The following NT5DC1 variants were observed in gnomAD, a reference collection of about 807,000 sequenced individuals.
The protein encoded by NT5DC1 is 5'-nucleotidase domain-containing protein 1.
A neutral mutation model predicts 59.4 loss-of-function variants in NT5DC1; 42 were observed. The ratio of observed to expected loss-of-function variants is 0.71; its 90% CI spans 0.55 to 0.92. NT5DC1 has a LOEUF of 0.92. Ranked by LOEUF, NT5DC1 falls within the 40% of genes least tolerant of loss-of-function variation. NT5DC1 has a pLI of 0.00. For synonymous variants in NT5DC1, 172 were observed against 188.1 expected, an observed-to-expected ratio of 0.91 and a Z score of 0.70; for missense variants, 501 against 537.1, an observed-to-expected ratio of 0.93 and a Z score of 0.66.
intron 6 of NT5DC1, chr6:116,125,486 G>A (rs779715618): frequency 4.3e-6 from 7 of 1,613,412 alleles, no homozygotes; most frequent in Non-Finnish European, 4.2e-6. Flanking sequence ...GGTATTTGTG[G>A]CAGCATATTC....
Position 116,138,105 on chromosome 6 carries a change from A to G in NT5DC1, c.529+20160A>G, listed in dbSNP as rs183060124. ...AAAAAAGAAAAGAAAGAAAATGTCC[A>G]GCTCAATAGCTGACATTTTAAGATC... On this transcript the variant is annotated intron_variant, in intron 6 of 11. Coordinates refer to ENST00000319550, the MANE Select transcript of NT5DC1 (RefSeq NM_152729.3). 2.6e-3 allele frequency among the ~76,000 whole-genome samples: 396 copies of G among 152,294 alleles called. 10 individuals are homozygous for G. The South Asian group carries it at 0.043, about 17-fold the overall frequency.
At chr6:116,215,348 G>C (rs925781761) in intron 6 of NT5DC1, among the ~76,000 whole-genome samples, 1 of 152,060 alleles carries the variant, frequency 6.6e-6, no homozygotes, top group African/African-American at 2.4e-5. Flanking sequence ...CTATACTGTG[G>C]AGCCTAAGCT....
chr6:116,213,538 G>T (rs1781627344), intron 6 of NT5DC1, among the ~76,000 whole-genome samples: 1 of 152,106 alleles, frequency 6.6e-6, no homozygotes, highest in Non-Finnish European at 1.5e-5. Context: ...AGATATAAAA[G>T]AATGGAACAA....
At chr6:116,174,550 A>G (rs979400916) in intron 6 of NT5DC1, among the ~76,000 whole-genome samples, 19 of 152,202 alleles carry the variant, frequency 1.2e-4, no homozygotes, top group African/African-American at 4.6e-4. Context: ...AATATTTCCT[A>G]TTCGTGTTTT....
chr6:116,195,452 G>A (rs1781202976), intron 6 of NT5DC1, among the ~76,000 whole-genome samples: 1 of 151,672 alleles, frequency 6.6e-6, no homozygotes, highest in African/African-American at 2.4e-5. Flanking sequence ...AGATTAGGTT[G>A]GTCATGGCCA....
rs375166088 is a variant in NT5DC1, at chr6:116,153,132, TATAC to T, written c.529+35195_529+35198del. Among the ~76,000 whole-genome samples, 398 of 152,076 alleles carry T rather than the reference TATAC, an allele frequency of 2.6e-3. 10 individuals are homozygous for T. In the South Asian group the frequency reaches 0.043, roughly 16 times the overall value. ...AAAAATATATACACAAATATATGTA[TATAC>T]ATACATATTCACACATACTACAAAT... On this transcript the variant is annotated intron_variant, in intron 6 of 11. Transcript: ENST00000319550.
chr6:116,242,243 C>T (rs2059568450), intron 11 of NT5DC1, among the ~76,000 whole-genome samples: 1 of 150,624 alleles, frequency 6.6e-6, no homozygotes. Context: ...TGGTGGCGGG[C>T]GCCTGTGGGA....
intron 6 of NT5DC1, among the ~76,000 whole-genome samples, chr6:116,192,925 G>C (rs1356982413): frequency 1.3e-5 from 2 of 152,016 alleles, no homozygotes; most frequent in East Asian, 3.9e-4. Context: ...ACTGGTCTCT[G>C]GTTTGGCTTG....
At chr6:116,108,843 C>T (rs1778812955) in intron 3 of NT5DC1, among the ~76,000 whole-genome samples, 1 of 152,046 alleles carries the variant, frequency 6.6e-6, no homozygotes, top group Non-Finnish European at 1.5e-5. Context: ...GGTCTATACC[C>T]ACCACCCTCT....
At chr6:116,163,078 G>T (rs986720118) in intron 6 of NT5DC1, among the ~76,000 whole-genome samples, 3 of 141,794 alleles carry the variant, frequency 2.1e-5, no homozygotes, top group African/African-American at 8.1e-5. Context: ...AGTGAGCCGA[G>T]ATCGTGCCAC....
chr6:116,102,051 A>C (rs1308688511), intron 1 of NT5DC1, among the ~76,000 whole-genome samples: 1 of 152,270 alleles, frequency 6.6e-6, no homozygotes, highest in Admixed American at 6.5e-5. Flanking sequence ...GATTGTTGCA[A>C]GGATTAAATG....
At chr6:116,170,349 T>C (rs1329308325) in intron 6 of NT5DC1, among the ~76,000 whole-genome samples, 8 of 152,156 alleles carry the variant, frequency 5.3e-5, no homozygotes. Flanking sequence ...AGTACAGACT[T>C]AAGTTAAACT....
intron 6 of NT5DC1, among the ~76,000 whole-genome samples, chr6:116,154,361 A>G (rs1780127465): frequency 6.6e-6 from 1 of 152,158 alleles, no homozygotes; most frequent in Non-Finnish European, 1.5e-5. Context: ...AACACCGTCC[A>G]TGGTCACCCA....
chr6:116,121,701 C>T (rs1304966318), intron 6 of NT5DC1: 1 of 1,614,038 alleles, frequency 6.2e-7, no homozygotes, highest in Admixed American at 1.7e-5. Context: ...CCTGGTGGGC[C>T]CCGGGGTCCT....
intron 6 of NT5DC1, among the ~76,000 whole-genome samples, chr6:116,218,576 T>C (rs1015095032): frequency 2.6e-5 from 4 of 152,184 alleles, no homozygotes; most frequent in African/African-American, 9.6e-5. Context: ...ATTATTATCA[T>C]CTGTTTCTTA....
At chr6:116,218,379 T>C (rs1435653635) in intron 6 of NT5DC1, among the ~76,000 whole-genome samples, 1 of 152,138 alleles carries the variant, frequency 6.6e-6, no homozygotes, top group African/African-American at 2.4e-5. Flanking sequence ...GTTTTCAGCA[T>C]TACACACTAT....
chr6:116,223,264 G>T, intron 8 of NT5DC1, 133 bp downstream of exon 8: 1 of 529,020 alleles, frequency 1.9e-6, no homozygotes. Context: ...ACCTATGTTT[G>T]TATTAAATTT....
At chr6:116,230,468 A>C (rs571557876) in intron 8 of NT5DC1, among the ~76,000 whole-genome samples, 8 of 152,214 alleles carry the variant, frequency 5.3e-5, no homozygotes, top group Non-Finnish European at 8.8e-5. Context: ...AGTGTTTCTC[A>C]GACTTTCATG....
intron 6 of NT5DC1, among the ~76,000 whole-genome samples, chr6:116,135,834 G>GATATATATATATAT (rs199827970): frequency 3.7e-4 from 38 of 102,348 alleles, no homozygotes; most frequent in South Asian, 6.5e-4. Context: ...TATATTTTCA[G>GATATATATATATAT]ATATATATAT....
Sources: gnomAD v4.1 joint callset for allele counts (sites outside exome capture counted in the v4.1 genomes callset) on GRCh38, gnomAD v4.1.1 for gene constraint, MANE v1.5 for transcripts, NCBI Gene and HGNC (gene_info 2026-07-23, HGNC 2026-07-21) for gene names.